Variants in HEPHL1 observed in about 807,000 individuals in gnomAD.
HEPHL1 encodes hephaestin like 1, also known as ferroxidase HEPHL1.
A neutral mutation model predicts 122.0 loss-of-function variants in HEPHL1; 123 were observed. The ratio of observed to expected loss-of-function variants is 1.01; its 90% confidence interval spans 0.87 to 1.17. The LOEUF (loss-of-function observed/expected upper bound fraction) is 1.17. Among genes scored for constraint, HEPHL1 ranks in the 50% most tolerant of loss-of-function variants. The pLI is 0.00. For missense variants in HEPHL1, 1,452 were observed against 1,430.5 expected, an observed-to-expected ratio of 1.01 and a Z score of -0.24; for synonymous variants, 527 against 508.9, an observed-to-expected ratio of 1.04 and a Z score of -0.48.
At chr11:94,083,956 T>A (rs1946195149) in intron 10 of HEPHL1, among the ~76,000 whole-genome samples, 1 of 152,108 alleles carries the variant, frequency 6.6e-6, no homozygotes, top group Non-Finnish European at 1.5e-5. Context: ...AAAAAGATAA[T>A]AAACAACTGA....
chr11:94,081,493 C>G (rs770791889), intron 9 of HEPHL1, among the ~76,000 whole-genome samples: 7 of 152,168 alleles, frequency 4.6e-5, no homozygotes, highest in Non-Finnish European at 5.9e-5. Context: ...CTGGTCAGTT[C>G]TAAAGGAAAG....
In HEPHL1 at chr11:94,088,880, T is replaced by A. The variant is rs759620909; in HGVS notation, c.2206T>A (p.Tyr736Asn). 2 of 1,613,866 alleles carry A rather than the reference T, an allele frequency of 1.2e-6. No homozygotes were observed. The highest frequency in any genetic ancestry group is 2.2e-5 in the East Asian group (1 of 44,888). Residue 736 changes from tyrosine (Y) to asparagine (N), a missense_variant, in exon 12 of 20, where the codon TAC becomes AAC. Tyr to Asn is a moderately radical substitution (Grantham distance 143). Coordinates refer to ENST00000315765, the MANE Select transcript of HEPHL1 (RefSeq NM_001098672.2). ...EQRYGMIRTF[Y>N]IAAEEVEWDY... ...GCGGTACGGGATGATAAGAACTTTTTACATCGCCGCTGAAGAAGTAGAATG... is the reference window on the plus strand; with the variant it reads ...GCGGTACGGGATGATAAGAACTTTTAACATCGCCGCTGAAGAAGTAGAATG...
intron 1 of HEPHL1, among the ~76,000 whole-genome samples, chr11:94,045,111 T>C (rs1945822089): frequency 6.6e-6 from 1 of 152,220 alleles, no homozygotes; most frequent in Non-Finnish European, 1.5e-5. Context: ...TCTCACTATG[T>C]TGCCCAGGCT....
chr11:94,102,125 A>C (rs1275689033), intron 14 of HEPHL1, among the ~76,000 whole-genome samples: 2 of 152,208 alleles, frequency 1.3e-5, no homozygotes, highest in African/African-American at 4.8e-5. Flanking sequence ...GGTTTCAAGC[A>C]TCCCCTGGGG....
chr11:94,063,748 G>A, intron 3 of HEPHL1, 28 bp downstream of exon 3: 1 of 1,584,504 alleles, frequency 6.3e-7, no homozygotes. Context: ...CAGGTAACTA[G>A]GGAGTTGAAA....
At chr11:94,049,961 A>T (rs1294573815) in intron 2 of HEPHL1, among the ~76,000 whole-genome samples, 1 of 152,182 alleles carries the variant, frequency 6.6e-6, no homozygotes, top group African/African-American at 2.4e-5. Flanking sequence ...ACAAATGGCC[A>T]TCTTACCAAC....
intron 1 of HEPHL1, among the ~76,000 whole-genome samples, chr11:94,031,611 G>T (rs1945676347): frequency 6.6e-6 from 1 of 152,112 alleles, no homozygotes; most frequent in African/African-American, 2.4e-5. Flanking sequence ...ACATTGTTTG[G>T]ATTGGAAGCT....
At chr11:94,085,828 C>G in intron 10 of HEPHL1, 149 bp from the exon 11 acceptor site, 1 of 600,888 alleles carries the variant, frequency 1.7e-6, no homozygotes, top group East Asian at 2.8e-5. Context: ...TAATTTTGGT[C>G]TCCATTTTAA....
intron 9 of HEPHL1, among the ~76,000 whole-genome samples, chr11:94,079,604 G>A (rs1277761211): frequency 6.6e-6 from 1 of 152,152 alleles, no homozygotes; most frequent in Admixed American, 6.5e-5. Flanking sequence ...AGAAAAGAGT[G>A]GCAGACTATC....
chr11:94,049,903 C>T (rs551220857), intron 2 of HEPHL1, among the ~76,000 whole-genome samples: 6 of 152,002 alleles, frequency 3.9e-5, no homozygotes, highest in Non-Finnish European at 7.4e-5. Context: ...AGTCGCTTTG[C>T]GTTAATTTGG....
At chr11:94,051,023 G>T (rs1945886126) in intron 2 of HEPHL1, among the ~76,000 whole-genome samples, 1 of 152,062 alleles carries the variant, frequency 6.6e-6, no homozygotes, top group Non-Finnish European at 1.5e-5. Flanking sequence ...TTGTGTATAT[G>T]TACCACATCT....
At position 94,088,660 on chromosome 11, in the gene HEPHL1, T is replaced by A. The variant is rs1441323453; in HGVS notation, c.2081-95T>A. ...TATTTTAAAAATCCACCTAACTGGT[T>A]ATTTTGTAATAAAATATGCAGGTTT... On this transcript the variant is annotated intron_variant, in intron 11 of 19. Transcript: ENST00000315765. 4.3e-6 allele frequency: 4 copies of A among 934,834 alleles called. No homozygotes were observed. The East Asian group carries it at 7.9e-5, about 18-fold the overall frequency. 57.9% of individuals were successfully genotyped at this position (934,834 alleles called of 1,614,324 possible).
intron 10 of HEPHL1, among the ~76,000 whole-genome samples, chr11:94,084,620 G>C (rs1269657492): frequency 6.6e-6 from 1 of 152,170 alleles, no homozygotes; most frequent in Non-Finnish European, 1.5e-5. Flanking sequence ...ATGAGTGACT[G>C]TTGTAGAAAG....
chr11:94,096,331 T>G (rs1946312902), intron 13 of HEPHL1, among the ~76,000 whole-genome samples: 1 of 152,222 alleles, frequency 6.6e-6, no homozygotes, highest in African/African-American at 2.4e-5. Flanking sequence ...TTTATTGATT[T>G]GCATTATGTT....
chr11:94,106,195 T>G, intron 17 of HEPHL1, 65 bp downstream of exon 17: 3 of 1,309,378 alleles, frequency 2.3e-6, no homozygotes, highest in Non-Finnish European at 3.1e-6. Context: ...GTATTTCCAG[T>G]GGAAAATAAG....
chr11:94,074,361 T>A (rs1428308589), intron 8 of HEPHL1, among the ~76,000 whole-genome samples: 1 of 152,044 alleles, frequency 6.6e-6, no homozygotes, highest in Non-Finnish European at 1.5e-5. Flanking sequence ...CTTGAGGGAA[T>A]TCAAGATTAC....
chr11:94,052,161 C>T (rs776278355), intron 2 of HEPHL1, among the ~76,000 whole-genome samples: 3 of 151,940 alleles, frequency 2.0e-5, no homozygotes, highest in African/African-American at 4.8e-5. Flanking sequence ...AATGTTTTTT[C>T]AATCTCTGTG....
At position 94,060,575 on chromosome 11, in the gene HEPHL1, G is replaced by A. The variant is rs1945979364; in HGVS notation, c.416-2933G>A. ...GAAGCTAAGAGTCATAGAAGAGAAG[G>A]AAATTGCCCAAGCTGCATACCTAAC... On this transcript the variant is annotated intron_variant, in intron 2 of 19. Coordinates refer to ENST00000315765, the MANE Select transcript of HEPHL1 (RefSeq NM_001098672.2). Among the ~76,000 whole-genome samples, 3 of 152,196 alleles carry A rather than the reference G, an allele frequency of 2.0e-5. No homozygotes were observed. In the South Asian group the frequency reaches 6.2e-4, roughly 32 times the overall value.
chr11:94,062,126 G>A (rs1945989208), intron 2 of HEPHL1, among the ~76,000 whole-genome samples: 1 of 152,136 alleles, frequency 6.6e-6, no homozygotes, highest in Non-Finnish European at 1.5e-5. Context: ...GTAAAGGAAA[G>A]TTAAGTGAAT....
Sources: gnomAD v4.1 joint callset for allele counts (sites outside exome capture counted in the v4.1 genomes callset) on GRCh38, gnomAD v4.1.1 for gene constraint, MANE v1.5 for transcripts, NCBI Gene and HGNC (gene_info 2026-07-23, HGNC 2026-07-21) for gene names.